Variants in MAP6 observed in about 807,000 individuals in gnomAD.
The protein encoded by MAP6 is microtubule-associated protein 6.
MAP6 carries 26 observed loss-of-function variants against 42.4 expected under a neutral mutation model. That is an observed-to-expected ratio of 0.61 (90% CI 0.45 to 0.85). The LOEUF (loss-of-function observed/expected upper bound fraction) is 0.85. Ranked by LOEUF, MAP6 falls within the 40% of genes least tolerant of loss-of-function variation. The pLI is 0.00. For missense variants in MAP6, 966 were observed against 1,099.0 expected (o/e 0.88, Z 1.71); for synonymous variants, 418 against 443.8 (o/e 0.94, Z 0.73).
chr11:75,593,702 A>AAGTGTGGG (rs1184665078), intron 3 of MAP6, among the ~76,000 whole-genome samples: 1 of 152,208 alleles, frequency 6.6e-6, no homozygotes, highest in Non-Finnish European at 1.5e-5. Flanking sequence ...CTTCCAGGGA[A>AAGTGTGGG]AGTGTGGGAG....
intron 1 of MAP6, among the ~76,000 whole-genome samples, chr11:75,621,359 G>A (rs761409641): frequency 6.6e-6 from 1 of 152,010 alleles, no homozygotes; most frequent in Non-Finnish European, 1.5e-5. Flanking sequence ...CATCAATCTA[G>A]CAATAGAGGG....
At chr11:75,602,161 C>T (rs1172397176) in intron 3 of MAP6, among the ~76,000 whole-genome samples, 4 of 152,048 alleles carry the variant, frequency 2.6e-5, no homozygotes, top group Non-Finnish European at 5.9e-5. Context: ...CCACCCAGCC[C>T]CCCAGTTTTC....
intron 2 of MAP6, among the ~76,000 whole-genome samples, chr11:75,606,253 C>T (rs1030535367): frequency 2.6e-5 from 4 of 152,144 alleles, no homozygotes; most frequent in Non-Finnish European, 5.9e-5. Flanking sequence ...AGCCTTCCAC[C>T]GACCACCCCA....
At position 75,590,603 on chromosome 11, in the gene MAP6, T is replaced by G. The variant is rs540983162; in HGVS notation, c.1317-2419A>C. 6.6e-5 allele frequency among the ~76,000 whole-genome samples: 10 copies of G among 152,326 alleles called. No homozygotes were observed. The South Asian group carries it at 1.9e-3, about 28-fold the overall frequency. ...TGCTTAGGTTAGAAAACTTTTTTCT[T>G]TAGTGGGTATCTTTAATCATGGGAA... On this transcript the variant is annotated intron_variant, in intron 3 of 3. Coordinates refer to ENST00000304771, the MANE Select transcript of MAP6 (RefSeq NM_033063.2).
chr11:75,604,376 G>A (rs991231043), intron 3 of MAP6: 4 of 985,280 alleles, frequency 4.1e-6, no homozygotes, highest in Non-Finnish European at 4.8e-6. Context: ...GGGACTTTGA[G>A]GTAAGGAACT....
chr11:75,608,245 TC>T lies in MAP6; in HGVS notation c.982del (p.Asp328IlefsTer103). ...GTAGCTGGTCTCATGAACCATCTTA[TC>T]ATCTGGGGGCTTGTACTGGGGCTTG... The part of the protein sequence containing the change: ...KAKPQYKPPD[D>X]KMVHETSYSA... On this transcript the variant is annotated frameshift_variant, in exon 2 of 4. Transcript: ENST00000304771. LOFTEE classifies it high-confidence loss of function. 6.2e-7 allele frequency: 1 copy of T among 1,614,244 alleles called. No homozygotes were observed. The highest frequency in any genetic ancestry group is 8.5e-7 in the Non-Finnish European group (1 of 1,180,030).
At chr11:75,652,837 A>C (rs1288333811) in intron 1 of MAP6, among the ~76,000 whole-genome samples, 1 of 123,476 alleles carries the variant, frequency 8.1e-6, no homozygotes, top group Non-Finnish European at 1.8e-5. Flanking sequence ...TCCATCTCAG[A>C]AAAAAAAAAA....
intron 3 of MAP6, chr11:75,604,805 T>C: frequency 1.0e-6 from 1 of 985,464 alleles, no homozygotes; most frequent in Non-Finnish European, 1.2e-6. Flanking sequence ...GTCACAGACA[T>C]TCTCCCTGAC....
chr11:75,604,082 C>T (rs1942714447), intron 3 of MAP6: 1 of 985,782 alleles, frequency 1.0e-6, no homozygotes, highest in African/African-American at 1.7e-5. Flanking sequence ...GGAGACCCAC[C>T]AGCATTTTCT....
chr11:75,666,488 G>C (rs920549328), intron 1 of MAP6, among the ~76,000 whole-genome samples: 1 of 152,180 alleles, frequency 6.6e-6, no homozygotes, highest in Admixed American at 6.5e-5. Flanking sequence ...GAGACATCTG[G>C]AGAACATGTA....
rs545778 is a variant in MAP6, at chr11:75,587,748, C to A, written c.1753G>T (p.Gly585Cys). 6.2e-7 allele frequency: 1 copy of A among 1,609,002 alleles called. No individual in the cohort carries two copies. Among genetic ancestry groups the A allele is most frequent in the Non-Finnish European group, 8.5e-7 (1 of 1,177,172 alleles). Residue 585 changes from glycine to cysteine, a missense_variant, in exon 4 of 4, where the codon GGT (glycine) becomes TGT (cysteine). Transcript: ENST00000304771. ...PMVPAPVKDE[G>C]PMVSASVKDQ... The stretch of plus-strand genomic sequence containing the variant: ...TTGACAGATGCTGAGACCATGGGAC[C>A]TTCATCCTTGACAGGTGCTGGGACC...
intron 3 of MAP6, among the ~76,000 whole-genome samples, chr11:75,592,949 G>C (rs148540449): frequency 6.6e-6 from 1 of 152,078 alleles, no homozygotes; most frequent in African/African-American, 2.4e-5. Context: ...TCTGCTCCTG[G>C]AATATTCTCT....
intron 1 of MAP6, among the ~76,000 whole-genome samples, chr11:75,660,044 C>T (rs944331455): frequency 2.0e-5 from 3 of 152,170 alleles, no homozygotes; most frequent in Non-Finnish European, 4.4e-5. Flanking sequence ...AATGTCCAAA[C>T]AGACATAAAA....
intron 1 of MAP6, among the ~76,000 whole-genome samples, chr11:75,663,107 G>A (rs907191712): frequency 3.8e-4 from 58 of 151,778 alleles, no homozygotes; most frequent in East Asian, 1.2e-3. Flanking sequence ...GATTACAGGC[G>A]CACCCCACCA....
intron 1 of MAP6, among the ~76,000 whole-genome samples, chr11:75,649,169 G>C (rs1943608692): frequency 6.6e-6 from 1 of 151,944 alleles, no homozygotes; most frequent in African/African-American, 2.4e-5. Flanking sequence ...AATAATATGT[G>C]ATATTGTCAT....
At chr11:75,661,610 G>A (rs545741518) in intron 1 of MAP6, among the ~76,000 whole-genome samples, 54 of 152,012 alleles carry the variant, frequency 3.6e-4, no homozygotes, top group Non-Finnish European at 6.9e-4. Context: ...TTCAATAAGA[G>A]AAAAAGCATT....
At chr11:75,643,898 G>A (rs778646840) in intron 1 of MAP6, among the ~76,000 whole-genome samples, 1 of 152,216 alleles carries the variant, frequency 6.6e-6, no homozygotes, top group African/African-American at 2.4e-5. Context: ...AGCCCTCAAT[G>A]AGTGAATGGA....
chr11:75,658,399 C>CT (rs199978007), intron 1 of MAP6, among the ~76,000 whole-genome samples: 2,409 of 104,090 alleles, frequency 0.023, 57 homozygotes, highest in African/African-American at 0.085. Context: ...TTTCTCCACC[C>CT]CCCCCGCCCC....
intron 2 of MAP6, 120 bp from the exon 3 acceptor site, chr11:75,606,124 T>C: frequency 1.7e-6 from 2 of 1,168,566 alleles, no homozygotes; most frequent in Non-Finnish European, 2.4e-6. Context: ...TTGGCTCAGG[T>C]GGAGCACAGT....
Sources: gnomAD v4.1 joint callset for allele counts (sites outside exome capture counted in the v4.1 genomes callset) on GRCh38, gnomAD v4.1.1 for gene constraint, MANE v1.5 for transcripts, NCBI Gene and HGNC (gene_info 2026-07-23, HGNC 2026-07-21) for gene names.